The following TTC39A variants were observed in gnomAD, a reference collection of about 807,000 sequenced individuals.
TTC39A encodes tetratricopeptide repeat protein 39A.
In TTC39A, 46 loss-of-function variants were observed where a neutral mutation model predicts 82.3. That is an observed-to-expected ratio of 0.56 (90% CI 0.44 to 0.71). The LOEUF is 0.71. Ranked by LOEUF, TTC39A falls within the 30% of genes least tolerant of loss-of-function variation. The pLI is 0.00. For missense variants in TTC39A, 543 were observed against 712.9 expected, an observed-to-expected ratio of 0.76 and a Z score of 2.71; for synonymous variants, 254 against 275.2, an observed-to-expected ratio of 0.92 and a Z score of 0.76.
At chr1:51,343,209 G>A (rs964745156) in intron 1 of TTC39A, 1 of 374,658 alleles carries the variant, frequency 2.7e-6, no homozygotes, top group South Asian at 1.9e-5. Flanking sequence ...GGACAAATGA[G>A]CCCTGTCTCC....
In TTC39A at chr1:51,294,364, C is replaced by T. The variant is rs1442549009; in HGVS notation, c.1266+27G>A. 1 of 1,613,742 alleles carries T rather than the reference C, an allele frequency of 6.2e-7. No homozygotes were observed. Among genetic ancestry groups the T allele is most frequent in the Admixed American group, 1.7e-5 (1 of 60,014 alleles). ...TCCCCACAATCCTATACCCGGAGGG[C>T]AGCGCCAGTCCAGACCTCCTACCCA... is the stretch of plus-strand genomic sequence containing the variant. On this transcript the variant is annotated intron_variant, in intron 14 of 17. Coordinates refer to ENST00000680483, the MANE Select transcript of TTC39A (RefSeq NM_001297663.2). The surrounding 1 kb of genome is among the most constrained non-coding windows in gnomAD (Gnocchi z 4.3).
At chr1:51,308,842 C>A (rs1185296756) in intron 6 of TTC39A, among the ~76,000 whole-genome samples, 2 of 152,060 alleles carry the variant, frequency 1.3e-5, no homozygotes, top group East Asian at 1.9e-4. Flanking sequence ...TGTATGTATA[C>A]CTTTCCTGTA....
chr1:51,315,020 A>G (rs1319762195), intron 2 of TTC39A, among the ~76,000 whole-genome samples: 1 of 151,814 alleles, frequency 6.6e-6, no homozygotes, highest in Admixed American at 6.6e-5. Flanking sequence ...TCCCCCAGAT[A>G]ACACCCCCAG....
chr1:51,329,328 C>T (rs966722204), intron 1 of TTC39A, among the ~76,000 whole-genome samples: 4 of 152,136 alleles, frequency 2.6e-5, no homozygotes, highest in African/African-American at 9.7e-5. Flanking sequence ...ATACTTGAGC[C>T]CAGAACAGGA....
chr1:51,294,101 C>T lies in TTC39A; in HGVS notation c.1266+290G>A, dbSNP rs1245609412. 6.6e-6 allele frequency among the ~76,000 whole-genome samples: 1 copy of T among 152,222 alleles called. No homozygotes were observed. Among genetic ancestry groups the T allele is most frequent in the Non-Finnish European group, 1.5e-5 (1 of 68,044 alleles). On this transcript the variant is annotated intron_variant, in intron 14 of 17. Coordinates refer to ENST00000680483, the MANE Select transcript of TTC39A (RefSeq NM_001297663.2). The surrounding 1 kb of genome is among the most constrained non-coding windows in gnomAD (Gnocchi z 4.3). Reference sequence around the variant, plus strand: ...GGAGCAGACAGGCTGGGATCACTGGCAGCCGGGTGATGCCGCTGCCTGGGC... The same window carrying T: ...GGAGCAGACAGGCTGGGATCACTGGTAGCCGGGTGATGCCGCTGCCTGGGC...
At chr1:51,342,846 C>T (rs1252879469) in intron 1 of TTC39A, among the ~76,000 whole-genome samples, 3 of 152,174 alleles carry the variant, frequency 2.0e-5, no homozygotes, top group African/African-American at 7.2e-5. Context: ...TACACCTTCT[C>T]CTCAGCCTGT....
At chr1:51,313,731 G>A (rs990842680) in intron 2 of TTC39A, among the ~76,000 whole-genome samples, 2 of 152,208 alleles carry the variant, frequency 1.3e-5, no homozygotes, top group African/African-American at 4.8e-5. Flanking sequence ...AGGTGTGGTG[G>A]CACAGGCCTG....
rs532092220 is a variant in TTC39A, at chr1:51,312,722, C to T, written c.278+90G>A. 1,041 of 1,534,692 alleles carry T rather than the reference C, an allele frequency of 6.8e-4. 3 individuals carry two copies. Among genetic ancestry groups the T allele is most frequent in the South Asian group, 5.0e-3 (406 of 80,552 alleles). On this transcript the variant is annotated intron_variant, in intron 3 of 17. Coordinates refer to ENST00000680483, the MANE Select transcript of TTC39A (RefSeq NM_001297663.2). ...AACCTCTTAGCCAAAAGCAGCAGTG[C>T]GAATAGTGGCATGTTAGGCCCTGGA...
chr1:51,302,385 A>T lies in TTC39A; in HGVS notation c.863T>A (p.Ile288Asn). ...GAIFLFFAGRIEVIKGNIDAA... is the reference protein window; with the variant it reads ...GAIFLFFAGRNEVIKGNIDAA... The stretch of plus-strand genomic sequence containing the variant: ...ATCAATGTTGCCTTTAATGACTTCA[A>T]TCCTCCCTGCAAAGAACAGGAAGAT... The change falls in exon 11 of 18, where the codon ATT becomes AAT. Residue 288 changes from isoleucine to asparagine, a missense_variant. Transcript: ENST00000680483. 1 of 1,609,190 alleles carries T rather than the reference A, an allele frequency of 6.2e-7. No individual in the cohort carries two copies. The highest frequency in any genetic ancestry group is 8.5e-7 in the Non-Finnish European group (1 of 1,177,840).
chr1:51,296,946 T>G (rs1259602586), intron 12 of TTC39A: 2 of 152,424 alleles, frequency 1.3e-5, no homozygotes, highest in Non-Finnish European at 2.9e-5. Context: ...CGCCCCTTCC[T>G]CAGAAGTCCT....
rs1047518758 is a variant in TTC39A at position 51,294,355 on chromosome 1, C to A, written c.1266+36G>T. 6.2e-7 allele frequency: 1 copy of A among 1,613,452 alleles called. No individual in the cohort carries two copies. Among genetic ancestry groups the A allele is most frequent in the Non-Finnish European group, 8.5e-7 (1 of 1,179,706 alleles). On this transcript the variant is annotated intron_variant, in intron 14 of 17. Transcript: ENST00000680483. The surrounding 1 kb of genome is among the most constrained non-coding windows in gnomAD (Gnocchi z 4.3). The stretch of plus-strand genomic sequence containing the variant: ...CTCAGTGAATCCCCACAATCCTATA[C>A]CCGGAGGGCAGCGCCAGTCCAGACC...
intron 12 of TTC39A, chr1:51,300,924 G>T (rs1644627392): frequency 6.6e-6 from 1 of 152,284 alleles, no homozygotes; most frequent in African/African-American, 2.4e-5. Context: ...GATATGAGTA[G>T]AAGCAGCCCG....
intron 13 of TTC39A, 175 bp downstream of exon 13, chr1:51,295,904 G>A: frequency 1.5e-6 from 1 of 646,644 alleles, no homozygotes; most frequent in Non-Finnish European, 2.8e-6. Context: ...GCAGCAGCAT[G>A]GGGTGGTGAT....
chr1:51,338,570 A>C (rs759323497), intron 1 of TTC39A, among the ~76,000 whole-genome samples: 12 of 145,546 alleles, frequency 8.2e-5, no homozygotes, highest in Non-Finnish European at 1.8e-4. Flanking sequence ...TGACCACCCG[A>C]GTGCAGCGCT....
At chr1:51,343,834 G>T (rs879519417) in intron 1 of TTC39A, among the ~76,000 whole-genome samples, 2 of 152,190 alleles carry the variant, frequency 1.3e-5, no homozygotes, top group African/African-American at 4.8e-5. Context: ...GGCCCAGGCT[G>T]CTCTCAAACT....
chr1:51,299,827 G>C (rs892848445), intron 12 of TTC39A: 1 of 152,418 alleles, frequency 6.6e-6, no homozygotes, highest in East Asian at 1.9e-4. Flanking sequence ...GTTCCCTAAG[G>C]CCCAGAATCC....
intron 3 of TTC39A, among the ~76,000 whole-genome samples, chr1:51,312,599 C>T (rs1645126614): frequency 6.6e-6 from 1 of 152,258 alleles, no homozygotes; most frequent in Non-Finnish European, 1.5e-5. Flanking sequence ...CTCCTCTACT[C>T]TGTCACCCTG....
intron 3 of TTC39A, 28 bp downstream of exon 3, chr1:51,312,782 CCT>C: frequency 4.4e-6 from 7 of 1,607,782 alleles, no homozygotes; most frequent in Non-Finnish European, 6.0e-6. Flanking sequence ...GGCCTCCCAA[CCT>C]CTGATCCCTG....
upstream of TTC39A, among the ~76,000 whole-genome samples, chr1:51,332,373 C>T (rs935179009): frequency 1.3e-5 from 2 of 152,192 alleles, no homozygotes; most frequent in Non-Finnish European, 2.9e-5. Flanking sequence ...TGATTCTCAT[C>T]CCACAGCCTC....
Sources: gnomAD v4.1 joint callset for allele counts (sites outside exome capture counted in the v4.1 genomes callset) on GRCh38, gnomAD v4.1.1 for gene constraint, Gnocchi (gnomAD v3.1) non-coding constraint, MANE v1.5 for transcripts, NCBI Gene and HGNC (gene_info 2026-07-23, HGNC 2026-07-21) for gene names.